ADGRG3: variants seen among roughly 807,000 people sequenced by gnomAD.
The protein encoded by ADGRG3 is G protein-coupled receptor 97.
ADGRG3 carries 39 observed loss-of-function variants against 54.3 expected under a neutral mutation model. The observed-to-expected ratio is 0.72, with a 90% CI of 0.56 to 0.94. The LOEUF is 0.94. ADGRG3 is among the 40% of genes least tolerant of loss of function. ADGRG3 has a pLI of 0.00. For synonymous variants in ADGRG3, 312 were observed against 290.0 expected (o/e 1.08, Z -0.77); for missense variants, 654 against 694.6 (o/e 0.94, Z 0.66).
At chr16:57,685,256 A>G (rs1324149430) in intron 10 of ADGRG3, among the ~76,000 whole-genome samples, 3 of 152,148 alleles carry the variant, frequency 2.0e-5, no homozygotes, top group Admixed American at 2.0e-4. Flanking sequence ...ACTGCAGCGG[A>G]CTGGCAGTCA....
In ADGRG3 at chr16:57,688,800, T is replaced by C. The variant is rs1256409300; in HGVS notation, c.*339T>C. 9.1e-6 allele frequency: 2 copies of C among 220,480 alleles called. No homozygotes were observed. The highest frequency in any genetic ancestry group is 1.9e-5 in the Non-Finnish European group (2 of 107,758). 13.7% of individuals were successfully genotyped at this position (220,480 alleles called of 1,614,324 possible). On this transcript the variant is annotated 3_prime_UTR_variant, in exon 12 of 12. Coordinates refer to ENST00000333493, the MANE Select transcript of ADGRG3 (RefSeq NM_170776.5). The stretch of plus-strand genomic sequence containing the variant: ...AAGGGAGGAGAGTCTGTTGCTGGCA[T>C]AGCCCTGGAAGGAGCCCCCAGCCTC...
rs1457636418 is a variant in ADGRG3, at chr16:57,679,283, T to G, written c.599T>G (p.Ile200Ser). The change falls in exon 5 of 12, where the codon ATC becomes AGC. Residue 200 changes from isoleucine (I) to serine (S), a missense_variant. Physicochemically the swap from Ile to Ser is moderately radical, Grantham distance 142 (BLOSUM62 -2). Coordinates refer to ENST00000333493, the MANE Select transcript of ADGRG3 (RefSeq NM_170776.5). ...ACCAAGCTGGCTGAGCCTCTGGAGATCGTCTTCTCTCACCAGCGACCGCCC... is the reference window on the plus strand; with the variant it reads ...ACCAAGCTGGCTGAGCCTCTGGAGAGCGTCTTCTCTCACCAGCGACCGCCC... ...HVTKLAEPLE[I>S]VFSHQRPPPN... 7 of 1,613,772 alleles carry G rather than the reference T, an allele frequency of 4.3e-6. No individual in the cohort carries two copies. In the African/African-American group the frequency reaches 9.4e-5, roughly 22 times the overall value.
chr16:57,667,286 A>G (rs1340855684), upstream of ADGRG3, among the ~76,000 whole-genome samples: 4 of 152,250 alleles, frequency 2.6e-5, no homozygotes, highest in East Asian at 7.7e-4. Context: ...CGTGGGCCAG[A>G]GGGGGATGCC....
At chr16:57,686,689 A>G (rs968004359) in intron 11 of ADGRG3, 1 of 152,200 alleles carries the variant, frequency 6.6e-6, no homozygotes, top group South Asian at 2.1e-4. Flanking sequence ...GTTACCCAAC[A>G]TGGCTGCCGT....
rs760748213 is a variant in ADGRG3 at position 57,680,317 on chromosome 16, G to A, written c.720G>A (p.Glu240=). 23 of 1,612,334 alleles carry A rather than the reference G, an allele frequency of 1.4e-5. No homozygotes were observed. Among genetic ancestry groups the A allele is most frequent in the Non-Finnish European group, 1.9e-5 (23 of 1,179,564 alleles). The change falls in exon 7 of 12, where the codon GAG becomes GAA. Residue 240 remains glutamate, a synonymous_variant. Transcript: ENST00000333493. ...GCTGCTCCACGGAGGTCAGACCTGA[G>A]GGGACCGTGTGCTGCTGTGACCACC... ...SEGCSTEVRP[E]GTVCCCDHLT...
At chr16:57,685,573 C>A in intron 10 of ADGRG3, 70 bp from the exon 11 acceptor site, 1 of 1,475,898 alleles carries the variant, frequency 6.8e-7, no homozygotes, top group Non-Finnish European at 9.4e-7. Flanking sequence ...AAAGCTCAGC[C>A]AGGGGACTTC....
intron 5 of ADGRG3, 147 bp downstream of exon 5, chr16:57,679,458 T>A: frequency 1.1e-6 from 1 of 920,076 alleles, no homozygotes; most frequent in Non-Finnish European, 1.6e-6. Flanking sequence ...GCCATACACA[T>A]AATTGGATCC....
intron 2 of ADGRG3, among the ~76,000 whole-genome samples, chr16:57,675,556 G>A (rs917199798): frequency 2.0e-4 from 30 of 152,046 alleles, no homozygotes; most frequent in African/African-American, 6.0e-4. Context: ...GCTTGAACCC[G>A]GGAGGCGGAG....
At chr16:57,667,234 C>A (rs1230474095), upstream of ADGRG3, among the ~76,000 whole-genome samples, 4 of 152,212 alleles carry the variant, frequency 2.6e-5, no homozygotes, top group African/African-American at 9.6e-5. Context: ...CTGAGCGGCT[C>A]CCCAGTTCAA....
At chr16:57,679,089 G>T (rs2048316149) in intron 4 of ADGRG3, 88 bp from the exon 5 acceptor site, 5 of 1,500,748 alleles carry the variant, frequency 3.3e-6, no homozygotes, top group Non-Finnish European at 4.6e-6. Context: ...AAAGGCCATG[G>T]GTTCCTGGAG....
At chr16:57,672,152 C>T (rs1320577045) in intron 1 of ADGRG3, among the ~76,000 whole-genome samples, 29 of 151,944 alleles carry the variant, frequency 1.9e-4, no homozygotes, top group African/African-American at 6.3e-4. Flanking sequence ...TGCACTCCAG[C>T]CTGGGTGACA....
chr16:57,676,512 A>G (rs1238409546), intron 3 of ADGRG3, among the ~76,000 whole-genome samples, 174 bp downstream of exon 3: 1 of 152,184 alleles, frequency 6.6e-6, no homozygotes, highest in African/African-American at 2.4e-5. Context: ...CCAAGCCTAA[A>G]ATTTCCGTGA....
intron 11 of ADGRG3, chr16:57,686,649 C>T (rs1034470518): frequency 6.6e-6 from 1 of 152,310 alleles, no homozygotes; most frequent in Non-Finnish European, 1.5e-5. Context: ...TCTCTCTCCA[C>T]TTACCCTTTA....
chr16:57,668,632 CT>C (rs1264240679), intron 1 of ADGRG3, among the ~76,000 whole-genome samples: 4 of 152,320 alleles, frequency 2.6e-5, no homozygotes, highest in African/African-American at 9.6e-5. Flanking sequence ...CTCAGGTTCC[CT>C]TTGTTGCTCC....
chr16:57,678,128 G>T (rs547073143), intron 3 of ADGRG3, 42 bp from the exon 4 acceptor site: 53 of 1,602,850 alleles, frequency 3.3e-5, no homozygotes, highest in African/African-American at 6.7e-5. Context: ...ACTCGTGTTG[G>T]GGGGTGGGTA....
Position 57,683,424 on chromosome 16 carries a change from C to T in ADGRG3, c.882-508C>T, listed in dbSNP as rs538161237. Among the ~76,000 whole-genome samples, 16 of 152,298 alleles carry T rather than the reference C, an allele frequency of 1.1e-4. No individual in the cohort carries two copies. In the East Asian group the frequency reaches 2.1e-3, roughly 20 times the overall value. On this transcript the variant is annotated intron_variant, in intron 8 of 11. Transcript: ENST00000333493. Reference sequence around the variant, plus strand: ...GTTATGTGAAAGAAACTTTTTCTCTCTAATGTAAATGCCCATCTCTGAAGA... The same window carrying T: ...GTTATGTGAAAGAAACTTTTTCTCTTTAATGTAAATGCCCATCTCTGAAGA...
chr16:57,673,242 C>T (rs773473391), intron 1 of ADGRG3, 79 bp from the exon 2 acceptor site: 11 of 1,395,388 alleles, frequency 7.9e-6, no homozygotes, highest in South Asian at 2.5e-5. Context: ...ACTCTGGAGC[C>T]CCAGCTCCTT....
upstream of ADGRG3, among the ~76,000 whole-genome samples, chr16:57,666,092 G>A (rs998462464): frequency 1.2e-4 from 18 of 152,114 alleles, no homozygotes; most frequent in African/African-American, 4.3e-4. Context: ...TCCGGATTGG[G>A]CAGCCCCGGG....
Position 57,679,830 on chromosome 16 carries a change from C to G in ADGRG3, c.642C>G (p.Thr214=), listed in dbSNP as rs779188556. ...TTCGGTTTCAGAACATGACCCTCAC[C>G]TGTGTATTCTGGGATGTGACTAAAG... ...HQRPPPNMTL[T]CVFWDVTKGT... is the part of the protein sequence containing the mutation. Residue 214 remains threonine, a synonymous_variant, in exon 6 of 12, where the codon ACC becomes ACG. Transcript: ENST00000333493. The G allele has an allele frequency of 6.2e-7, 1 of 1,613,064 alleles. No homozygotes were observed. The highest frequency in any genetic ancestry group is 1.7e-5 in the Admixed American group (1 of 60,012).
Sources: allele counts gnomAD v4.1 joint callset (sites outside exome capture counted in the v4.1 genomes callset), GRCh38; gene constraint gnomAD v4.1.1; transcripts MANE v1.5; gene names NCBI Gene and HGNC (gene_info 2026-07-23, HGNC 2026-07-21).